Variants in ASB3 observed in about 807,000 individuals in gnomAD.
ASB3 encodes ankyrin repeat and SOCS box containing 3.
Under a neutral mutation model 54.5 loss-of-function variants are expected in ASB3, and 41 were observed. That is an observed-to-expected ratio of 0.75 (90% CI 0.59 to 0.98). The LOEUF (loss-of-function observed/expected upper bound fraction) is 0.98. Ranked by LOEUF, ASB3 falls within the 50% of genes least tolerant of loss-of-function variation. The pLI is 0.00. For synonymous variants in ASB3, 266 were observed against 221.2 expected (o/e 1.20, Z -1.80); for missense variants, 733 against 620.0 (o/e 1.18, Z -1.94).
intron 9 of ASB3, among the ~76,000 whole-genome samples, chr2:53,673,670 C>T (rs1356927298): frequency 6.6e-5 from 10 of 152,140 alleles, no homozygotes; most frequent in Non-Finnish European, 1.0e-4. Context: ...ATTTGACTCC[C>T]AGTCCAGGGT....
chr2:53,672,076 T>C (rs763718901), intron 9 of ASB3, among the ~76,000 whole-genome samples: 7 of 152,212 alleles, frequency 4.6e-5, no homozygotes, highest in Non-Finnish European at 1.0e-4. Flanking sequence ...TTCCAAGCCA[T>C]AGAAGTTAAC....
chr2:53,703,955 T>A (rs1006328813), intron 7 of ASB3, among the ~76,000 whole-genome samples: 3 of 152,206 alleles, frequency 2.0e-5, no homozygotes, highest in African/African-American at 7.2e-5. Context: ...GAATATCAAA[T>A]AATTAATTTT....
intron 1 of ASB3, chr2:53,767,858 G>A: frequency 6.3e-7 from 1 of 1,587,754 alleles, no homozygotes; most frequent in Non-Finnish European, 8.6e-7. Context: ...TAGGGTTCAC[G>A]GCCACTGGGG....
chr2:53,774,188 A>G (rs1419887007), intron 1 of ASB3: 3 of 1,613,052 alleles, frequency 1.9e-6, no homozygotes, highest in Non-Finnish European at 1.7e-6. Context: ...GGAAAGGAAG[A>G]AGAAGTAAAA....
At chr2:53,709,830 A>T (rs1457747237) in intron 7 of ASB3, among the ~76,000 whole-genome samples, 1 of 152,090 alleles carries the variant, frequency 6.6e-6, no homozygotes, top group East Asian at 1.9e-4. Context: ...TGATCTGCGG[A>T]GGTGACAGCC....
chr2:53,698,931 T>C (rs1419806910), intron 8 of ASB3, among the ~76,000 whole-genome samples: 2 of 152,224 alleles, frequency 1.3e-5, no homozygotes, highest in African/African-American at 4.8e-5. Flanking sequence ...TTCTATATTC[T>C]TAGGTAATCG....
intron 2 of ASB3, among the ~76,000 whole-genome samples, chr2:53,760,632 A>G (rs1256210027): frequency 6.8e-6 from 1 of 146,096 alleles, no homozygotes; most frequent in Non-Finnish European, 1.5e-5. Flanking sequence ...CAGCTAACCA[A>G]TGGAAATTAC....
chr2:53,729,637 G>T, intron 3 of ASB3, 67 bp from the exon 4 acceptor site: 1 of 1,380,320 alleles, frequency 7.2e-7, no homozygotes, highest in South Asian at 1.2e-5. Flanking sequence ...GGACACTTTG[G>T]TGATGTTCTC....
At chr2:53,689,700 T>C (rs1323816037) in intron 9 of ASB3, among the ~76,000 whole-genome samples, 1 of 152,230 alleles carries the variant, frequency 6.6e-6, no homozygotes, top group Non-Finnish European at 1.5e-5. Context: ...AGGGAAATTT[T>C]TGCTTAAACT....
chr2:53,748,399 A>C (rs960051840), intron 3 of ASB3: 2 of 152,202 alleles, frequency 1.3e-5, no homozygotes, highest in Non-Finnish European at 2.9e-5. Flanking sequence ...AAAGTAGGTT[A>C]AATGCAGGTG....
At chr2:53,742,564 C>T (rs1327182380) in intron 3 of ASB3, among the ~76,000 whole-genome samples, 1 of 151,806 alleles carries the variant, frequency 6.6e-6, no homozygotes, top group African/African-American at 2.4e-5. Flanking sequence ...GAAAACAGCA[C>T]CAACACTGAA....
chr2:53,704,359 CAAAA>C (rs10547453), intron 7 of ASB3, among the ~76,000 whole-genome samples: 12 of 110,564 alleles, frequency 1.1e-4, no homozygotes, highest in Non-Finnish European at 1.2e-4. Context: ...GAGACTGTCT[CAAAA>C]AAAAAAAAAA....
chr2:53,712,097 G>GA (rs992141983), intron 7 of ASB3, among the ~76,000 whole-genome samples: 2 of 148,644 alleles, frequency 1.3e-5, no homozygotes, highest in Non-Finnish European at 3.0e-5. Flanking sequence ...GAAAGGAAAA[G>GA]AAAAAAAATC....
intron 3 of ASB3, 46 bp downstream of exon 3, chr2:53,750,736 AT>A (rs1400742101): frequency 9.8e-6 from 14 of 1,430,600 alleles, no homozygotes; most frequent in Middle Eastern, 1.9e-4. Context: ...TAACAAAAAA[AT>A]AATAATGATG....
At chr2:53,672,629 A>G (rs991599) in intron 9 of ASB3, among the ~76,000 whole-genome samples, 12,234 of 152,266 alleles carry the variant, frequency 0.08, 537 homozygotes, top group East Asian at 0.18. Context: ...TAAACATTCT[A>G]ATTTAAAATG....
chr2:53,697,904 G>A (rs1456440677), intron 8 of ASB3, among the ~76,000 whole-genome samples: 1 of 152,152 alleles, frequency 6.6e-6, no homozygotes, highest in Non-Finnish European at 1.5e-5. Context: ...TCAGACTTCA[G>A]CTCTCCCAAG....
intron 5 of ASB3, among the ~76,000 whole-genome samples, chr2:53,721,936 C>T (rs6545363): frequency 0.66 from 99,999 of 151,838 alleles, 33,704 homozygotes; most frequent in East Asian, 0.87. Flanking sequence ...ACAAAATTGA[C>T]AGACTGCTAG....
intron 5 of ASB3, among the ~76,000 whole-genome samples, chr2:53,728,009 A>G (rs753333746): frequency 1.3e-5 from 2 of 151,986 alleles, no homozygotes; most frequent in Non-Finnish European, 2.9e-5. Context: ...TACAGGCATG[A>G]GCAACCGTGC....
In ASB3 at chr2:53,728,845, T is replaced by A. The variant is rs1127767; in HGVS notation, c.471A>T (p.Glu157Asp). The A allele has an allele frequency of 0.048, 77,054 of 1,600,130 alleles. 2,212 individuals carry two copies. The highest frequency in any genetic ancestry group is 0.058 in the Non-Finnish European group (68,248 of 1,172,740). ...WNSLHQASFQ[E>D]NAEIIKLLLR... is the part of the protein sequence containing the mutation. ...GAAGCAATTTTATGATCTCAGCATT[T>A]TCCTAAAGCACAGATTCACATTTTA... Residue 157 changes from glutamate to aspartate, a missense_variant and splice_region_variant, in exon 5 of 10, where the codon GAA (glutamate) becomes GAT (aspartate). Transcript: ENST00000263634.
Sources: gnomAD v4.1 joint callset for allele counts (sites outside exome capture counted in the v4.1 genomes callset) on GRCh38, gnomAD v4.1.1 for gene constraint, MANE v1.5 for transcripts, NCBI Gene and HGNC (gene_info 2026-07-23, HGNC 2026-07-21) for gene names.